Variants in TMEM163 observed in about 807,000 individuals in gnomAD.
TMEM163 encodes transmembrane protein 163.
In TMEM163, 17 loss-of-function variants were observed where a neutral mutation model predicts 29.3. The observed-to-expected ratio is 0.58, with a 90% CI of 0.40 to 0.87. TMEM163 has a LOEUF of 0.87. TMEM163 is among the 40% of genes least tolerant of loss of function. TMEM163 has a pLI of 0.00. For synonymous variants in TMEM163, 157 were observed against 160.6 expected, an observed-to-expected ratio of 0.98 and a Z score of 0.17; for missense variants, 303 against 381.5, an observed-to-expected ratio of 0.79 and a Z score of 1.71.
chr2:134,570,913 T>C (rs549620806), intron 2 of TMEM163, among the ~76,000 whole-genome samples: 1 of 152,332 alleles, frequency 6.6e-6, no homozygotes, highest in East Asian at 1.9e-4. Context: ...TTCGACCCCA[T>C]AAATCTGGCC....
At chr2:134,589,426 C>T (rs1343399156) in intron 2 of TMEM163, among the ~76,000 whole-genome samples, 1 of 152,166 alleles carries the variant, frequency 6.6e-6, no homozygotes, top group Non-Finnish European at 1.5e-5. Context: ...AGAAGCCAGC[C>T]AGAACCTACC....
intron 2 of TMEM163, among the ~76,000 whole-genome samples, chr2:134,650,404 TGAAA>T (rs1683442880): frequency 6.6e-6 from 1 of 152,090 alleles, no homozygotes; most frequent in Admixed American, 6.5e-5. Context: ...AAATCAAACT[TGAAA>T]GATTTATTTT....
chr2:134,571,945 G>A (rs560748281), intron 2 of TMEM163, among the ~76,000 whole-genome samples: 43 of 152,276 alleles, frequency 2.8e-4, no homozygotes, highest in African/African-American at 9.6e-4. Context: ...CAAATGGTTT[G>A]GGCACACTGA....
intron 5 of TMEM163, among the ~76,000 whole-genome samples, chr2:134,477,739 C>T (rs1409316351): frequency 6.6e-6 from 1 of 152,110 alleles, no homozygotes; most frequent in Non-Finnish European, 1.5e-5. Context: ...ACAAGGAAGT[C>T]TGTGATGAAT....
intron 2 of TMEM163, among the ~76,000 whole-genome samples, chr2:134,561,315 A>T (rs546718440): frequency 9.9e-5 from 15 of 152,258 alleles, no homozygotes; most frequent in African/African-American, 3.4e-4. Flanking sequence ...GCCATTCTCC[A>T]GCCTCAGCCT....
At chr2:134,590,041 C>T (rs1681905730) in intron 2 of TMEM163, among the ~76,000 whole-genome samples, 1 of 152,120 alleles carries the variant, frequency 6.6e-6, no homozygotes, top group South Asian at 2.1e-4. Flanking sequence ...AATAGACTTG[C>T]TCTTATTCAT....
chr2:134,690,990 A>C (rs2104883306), intron 2 of TMEM163, among the ~76,000 whole-genome samples: 1 of 152,272 alleles, frequency 6.6e-6, no homozygotes, highest in South Asian at 2.1e-4. Flanking sequence ...GGTGGGTGAC[A>C]AAACGGAGGA....
intron 5 of TMEM163, among the ~76,000 whole-genome samples, chr2:134,477,736 A>G (rs546776405): frequency 4.6e-4 from 70 of 152,340 alleles, no homozygotes; most frequent in South Asian, 2.3e-3. Context: ...CCAACAAGGA[A>G]GTCTGTGATG....
At chr2:134,623,457 C>G (rs542829857) in intron 2 of TMEM163, among the ~76,000 whole-genome samples, 1 of 152,238 alleles carries the variant, frequency 6.6e-6, no homozygotes, top group East Asian at 1.9e-4. Flanking sequence ...ATGTCCAAAC[C>G]ACCCTACTTT....
intron 2 of TMEM163, among the ~76,000 whole-genome samples, chr2:134,696,313 C>G (rs1029756820): frequency 2.2e-4 from 33 of 152,178 alleles, no homozygotes; most frequent in African/African-American, 7.5e-4. Flanking sequence ...ATATCACAAT[C>G]TCAACTGCCC....
At chr2:134,555,001 T>C (rs540610303) in intron 2 of TMEM163, among the ~76,000 whole-genome samples, 42 of 152,296 alleles carry the variant, frequency 2.8e-4, no homozygotes, top group Admixed American at 9.2e-4. Context: ...CATGGGGAAT[T>C]GAGACTACTC....
chr2:134,668,026 C>A (rs1377865727), intron 2 of TMEM163, among the ~76,000 whole-genome samples: 2 of 152,178 alleles, frequency 1.3e-5, no homozygotes, highest in African/African-American at 4.8e-5. Flanking sequence ...GGCAGCAAGA[C>A]CTGCTGGGCC....
chr2:134,479,750 G>C (rs1243796939), intron 5 of TMEM163, among the ~76,000 whole-genome samples: 2 of 152,214 alleles, frequency 1.3e-5, no homozygotes, highest in African/African-American at 4.8e-5. Flanking sequence ...ACAGCAGAGA[G>C]ACAGTGACAG....
chr2:134,466,768 G>A (rs1371199973), intron 5 of TMEM163: 6 of 152,864 alleles, frequency 3.9e-5, no homozygotes, highest in African/African-American at 7.2e-5. Context: ...AGAGAAAATA[G>A]CATCTAAAAA....
intron 2 of TMEM163, among the ~76,000 whole-genome samples, chr2:134,628,178 C>G (rs1682893461): frequency 6.6e-6 from 1 of 152,200 alleles, no homozygotes; most frequent in South Asian, 2.1e-4. Context: ...ATGAATCTAT[C>G]TATAGAAACT....
At chr2:134,710,658 T>TA (rs1318368040) in intron 2 of TMEM163, among the ~76,000 whole-genome samples, 1 of 151,818 alleles carries the variant, frequency 6.6e-6, no homozygotes. Context: ...AAAAAAGTGT[T>TA]AAAAAATCTC....
At chr2:134,561,548 A>C (rs1681184560) in intron 2 of TMEM163, among the ~76,000 whole-genome samples, 1 of 152,072 alleles carries the variant, frequency 6.6e-6, no homozygotes, top group Non-Finnish European at 1.5e-5. Flanking sequence ...ACAGGGTTTC[A>C]CCGTGTTAGC....
intron 2 of TMEM163, among the ~76,000 whole-genome samples, chr2:134,655,503 G>A (rs1445417565): frequency 0.015 from 2,003 of 134,520 alleles, 252 homozygotes; most frequent in African/African-American, 0.061. Context: ...ATGTCCTCCC[G>A]TAGCTCAGAG....
At chr2:134,636,553 C>T (rs1316312449) in intron 2 of TMEM163, among the ~76,000 whole-genome samples, 1 of 152,184 alleles carries the variant, frequency 6.6e-6, no homozygotes, top group Non-Finnish European at 1.5e-5. Flanking sequence ...ATAGGGTGAA[C>T]TGACTTTGGG....
Sources: allele counts gnomAD v4.1 joint callset (sites outside exome capture counted in the v4.1 genomes callset), GRCh38; gene constraint gnomAD v4.1.1; transcripts MANE v1.5; gene names NCBI Gene and HGNC (gene_info 2026-07-23, HGNC 2026-07-21).